The following NRG1 variants were observed in gnomAD, a reference collection of about 807,000 sequenced individuals.
The protein encoded by NRG1 is pro-neuregulin-1, membrane-bound isoform.
Under a neutral mutation model 63.8 loss-of-function variants are expected in NRG1, and 18 were observed. The observed-to-expected ratio is 0.28, with a 90% CI of 0.19 to 0.42. The LOEUF (loss-of-function observed/expected upper bound fraction) is 0.42. Ranked by LOEUF, NRG1 falls within the 10% of genes least tolerant of loss-of-function variation. The pLI, the probability that NRG1 is intolerant of heterozygous loss-of-function variation, is 1.00. For missense variants in NRG1, 762 were observed against 814.7 expected (o/e 0.94, Z 0.79); for synonymous variants, 302 against 301.3 (o/e 1.00, Z -0.02).
At chr8:32,202,489 A>C (rs1326081957) in intron 1 of NRG1, among the ~76,000 whole-genome samples, 1 of 152,144 alleles carries the variant, frequency 6.6e-6, no homozygotes, top group African/African-American at 2.4e-5. Context: ...AGATGGCTTA[A>C]GTGTTAAACA....
At chr8:31,902,713 T>C (rs983192658) in intron 1 of NRG1, among the ~76,000 whole-genome samples, 2 of 152,216 alleles carry the variant, frequency 1.3e-5, no homozygotes, top group Non-Finnish European at 2.9e-5. Context: ...ACATGCTTCT[T>C]GGTGGGTTTT....
rs1040747290 is a variant in NRG1, at chr8:32,186,758, G to A, written c.38-409070G>A. ...CAGTAAAGTTTGAGAAGCACAGCTGGAAACTGTCTGAAGTCTGCTATGATC... is the reference window on the plus strand; with the variant it reads ...CAGTAAAGTTTGAGAAGCACAGCTGAAAACTGTCTGAAGTCTGCTATGATC... On this transcript the variant is annotated intron_variant, in intron 1 of 10. Transcript: ENST00000519301. Among the ~76,000 whole-genome samples the A allele has an allele frequency of 7.9e-5, 12 of 152,184 alleles. 1 individual carries two copies. Among genetic ancestry groups the A allele is most frequent in the African/African-American group, 2.9e-4 (12 of 41,440 alleles).
At chr8:32,490,249 G>T (rs1826389837) in intron 1 of NRG1, among the ~76,000 whole-genome samples, 1 of 151,678 alleles carries the variant, frequency 6.6e-6, no homozygotes. Flanking sequence ...AGGCTGCAGT[G>T]AACTGATATC....
chr8:32,172,403 G>A (rs557858327), intron 1 of NRG1, among the ~76,000 whole-genome samples: 8 of 152,304 alleles, frequency 5.3e-5, no homozygotes, highest in African/African-American at 1.9e-4. Context: ...GGAAAAAACA[G>A]AGCAGAAAAA....
intron 1 of NRG1, chr8:32,287,353 C>G (rs1853654947): frequency 6.6e-6 from 1 of 152,320 alleles, no homozygotes; most frequent in Non-Finnish European, 1.5e-5. Flanking sequence ...AAAGTCATAT[C>G]ACTTGGGACA....
At chr8:32,412,420 C>CATATATATATATATATGTATATATATATA (rs1815116027) in intron 1 of NRG1, among the ~76,000 whole-genome samples, 1 of 41,820 alleles carries the variant, frequency 2.4e-5, no homozygotes, top group Non-Finnish European at 5.7e-5. Context: ...CTCTCTCTCT[C>CATATATATATATATATGTATATATATATA]TACATATATA....
intron 1 of NRG1, among the ~76,000 whole-genome samples, chr8:32,422,612 T>TAAACA (rs3031241): frequency 0.1 from 15,755 of 152,202 alleles, 1,000 homozygotes; most frequent in Non-Finnish European, 0.14. Context: ...TTTGTATCTT[T>TAAACA]AAACATATTA....
chr8:31,661,097 G>C (rs188896023), intron 1 of NRG1, among the ~76,000 whole-genome samples: 6 of 152,194 alleles, frequency 3.9e-5, no homozygotes, highest in Non-Finnish European at 5.9e-5. Flanking sequence ...TATATAATAT[G>C]GTCTTTTTCC....
chr8:32,712,021 ATTAT>A (rs1173310587), intron 5 of NRG1, among the ~76,000 whole-genome samples: 4 of 152,122 alleles, frequency 2.6e-5, no homozygotes, highest in South Asian at 4.1e-4. Context: ...GTAATAACTT[ATTAT>A]TATTACCCTT....
chr8:31,932,887 G>A (rs1244148945), intron 1 of NRG1, among the ~76,000 whole-genome samples: 1 of 152,164 alleles, frequency 6.6e-6, no homozygotes, highest in African/African-American at 2.4e-5. Context: ...TTGTTTATGT[G>A]TAGTATATGA....
At chr8:32,304,516 C>G (rs1855972978) in intron 1 of NRG1, among the ~76,000 whole-genome samples, 1 of 151,864 alleles carries the variant, frequency 6.6e-6, no homozygotes, top group Non-Finnish European at 1.5e-5. Context: ...CTTAGTAAAA[C>G]TTTCAAAAAA....
chr8:32,122,687 A>G (rs1198353979), intron 1 of NRG1, among the ~76,000 whole-genome samples: 1 of 151,758 alleles, frequency 6.6e-6, no homozygotes, highest in Non-Finnish European at 1.5e-5. Flanking sequence ...GGTTACTTAC[A>G]TATGTATACA....
rs372887947 is a variant in NRG1 at position 32,135,788 on chromosome 8, A to T, written c.38-460040A>T. ...CCTGTAACACACAGCTAGTATTTAG[A>T]GCTAAGGGTCTATATGAAATCACCT... is the stretch of plus-strand genomic sequence containing the variant. On this transcript the variant is annotated intron_variant, in intron 1 of 10. Transcript: ENST00000519301. Among the ~76,000 whole-genome samples the T allele has an allele frequency of 5.9e-5, 9 of 152,090 alleles. No homozygotes were observed. The South Asian group carries it at 1.5e-3, about 25-fold the overall frequency.
At chr8:32,675,654 G>A (rs1806894028) in intron 5 of NRG1, among the ~76,000 whole-genome samples, 1 of 152,098 alleles carries the variant, frequency 6.6e-6, no homozygotes, top group Non-Finnish European at 1.5e-5. Context: ...TTCCAGAACT[G>A]TTTTAAATGC....
intron 1 of NRG1, among the ~76,000 whole-genome samples, chr8:32,050,294 G>A (rs1043789271): frequency 6.6e-6 from 1 of 152,094 alleles, no homozygotes; most frequent in African/African-American, 2.4e-5. Context: ...GCAGCTGGAA[G>A]GTAACATCGT....
intron 1 of NRG1, among the ~76,000 whole-genome samples, chr8:32,245,289 A>C (rs1273027643): frequency 6.6e-6 from 1 of 152,178 alleles, no homozygotes; most frequent in East Asian, 1.9e-4. Flanking sequence ...CAGTGACATC[A>C]AGTTAGGGAA....
chr8:31,713,109 ATTTTTTTTTTTTT>A (rs11304829), intron 1 of NRG1, among the ~76,000 whole-genome samples: 1 of 86,044 alleles, frequency 1.2e-5, no homozygotes, highest in Non-Finnish European at 2.4e-5. Context: ...ACTCCTTCTA[ATTTTTTTTTTTTT>A]TTTTTTTTTT....
intron 6 of NRG1, among the ~76,000 whole-genome samples, chr8:32,737,388 T>C (rs1018570313): frequency 6.6e-6 from 1 of 151,934 alleles, no homozygotes; most frequent in Non-Finnish European, 1.5e-5. Context: ...CCGTCTCTAC[T>C]GAAAATACAA....
At chr8:31,777,124 G>C (rs1819226162) in intron 1 of NRG1, among the ~76,000 whole-genome samples, 1 of 152,144 alleles carries the variant, frequency 6.6e-6, no homozygotes, top group East Asian at 1.9e-4. Context: ...AAAATCCCAA[G>C]TCCTGCCAAG....
Sources: allele counts gnomAD v4.1 joint callset (sites outside exome capture counted in the v4.1 genomes callset), GRCh38; gene constraint gnomAD v4.1.1; transcripts MANE v1.5; gene names NCBI Gene and HGNC (gene_info 2026-07-23, HGNC 2026-07-21).